The following EWSR1 variants were observed in gnomAD, a reference collection of about 807,000 sequenced individuals.
EWSR1 encodes RNA-binding protein EWS.
Under a neutral mutation model 92.1 loss-of-function variants are expected in EWSR1, and 14 were observed. The observed-to-expected ratio is 0.15, with a 90% confidence interval of 0.10 to 0.24. The LOEUF (loss-of-function observed/expected upper bound fraction) is 0.24. EWSR1 is among the 10% of genes least tolerant of loss of function. The pLI, the probability that EWSR1 is intolerant of heterozygous loss-of-function variation, is 1.00. For synonymous variants in EWSR1, 303 were observed against 292.9 expected (o/e 1.03, Z -0.35); for missense variants, 637 against 870.9 (o/e 0.73, Z 3.38).
intron 5 of EWSR1, among the ~76,000 whole-genome samples, chr22:29,280,593 G>C (rs2059485527): frequency 6.6e-6 from 1 of 152,020 alleles, no homozygotes; most frequent in Non-Finnish European, 1.5e-5. Flanking sequence ...CCATTACGGA[G>C]ACTTTGAGCC....
chr22:29,295,296 C>T (rs1242863589), intron 11 of EWSR1, among the ~76,000 whole-genome samples: 1 of 151,900 alleles, frequency 6.6e-6, no homozygotes, highest in Non-Finnish European at 1.5e-5. Context: ...TAGTATTTAC[C>T]ATCAAAATTT....
In EWSR1 at chr22:29,292,597, G is replaced by A. The variant is rs369419016; in HGVS notation, c.1155G>A (p.Gly385=). 1 of 1,606,700 alleles carries A rather than the reference G, an allele frequency of 6.2e-7. No homozygotes were observed. The highest frequency in any genetic ancestry group is 1.7e-5 in the Admixed American group (1 of 59,942). The change falls in exon 11 of 17, where the codon GGG becomes GGA. Residue 385 remains glycine (G), a synonymous_variant. Transcript: ENST00000397938. The part of the protein sequence containing the change: ...DDLADFFKQC[G]VVKMNKRTGQ... ...TGGCAGACTTCTTTAAGCAGTGTGGGGTTGTTAAGGTCAGTAAAAGCATAA... is the reference window on the plus strand; with the variant it reads ...TGGCAGACTTCTTTAAGCAGTGTGGAGTTGTTAAGGTCAGTAAAAGCATAA...
At chr22:29,282,282 A>G in intron 5 of EWSR1, 108 bp from the exon 6 acceptor site, 1 of 816,038 alleles carries the variant, frequency 1.2e-6, no homozygotes, top group Middle Eastern at 3.4e-4. Flanking sequence ...TAATCATAAC[A>G]TTGCTTATTG....
intron 11 of EWSR1, 61 bp downstream of exon 11, chr22:29,292,667 GATTGA>G: frequency 9.4e-7 from 1 of 1,064,400 alleles, no homozygotes; most frequent in Non-Finnish European, 1.4e-6. Flanking sequence ...ATTTTAAAGA[GATTGA>G]ATTGATGTTG....
rs534653320 is a variant in EWSR1, at chr22:29,298,723, C to G, written c.1418-10C>G. 87 of 1,612,856 alleles carry G rather than the reference C, an allele frequency of 5.4e-5. No homozygotes were observed. Among genetic ancestry groups the G allele is most frequent in the Admixed American group, 3.2e-4 (19 of 60,016 alleles). ...AAATGATTTGCTGTTTCTTGTTGTT[C>G]TTGTTGTAGGTCCAGGAGGCCCAGG... On this transcript the variant is annotated splice_polypyrimidine_tract_variant and intron_variant, in intron 13 of 16. Transcript: ENST00000397938.
intron 5 of EWSR1, among the ~76,000 whole-genome samples, chr22:29,279,356 A>G (rs1203045824): frequency 1.3e-5 from 2 of 152,242 alleles, no homozygotes; most frequent in Non-Finnish European, 2.9e-5. Context: ...ACATAACCAT[A>G]TTCAAGAAAT....
Position 29,278,117 on chromosome 22 carries a change from TCAC to T in EWSR1, c.322_324del (p.Thr108del), listed in dbSNP as rs775127785. On this transcript the variant is annotated inframe_deletion, in exon 5 of 17. Coordinates refer to ENST00000397938, the MANE Select transcript of EWSR1 (RefSeq NM_005243.4). ...GCTTATGATACCACCACTGCTACAG[TCAC>T]CACCACCCAGGCCTCCTATGCAGCT... 6.2e-7 allele frequency: 1 copy of T among 1,614,146 alleles called. No homozygotes were observed.
chr22:29,294,402 C>T (rs374203221), intron 11 of EWSR1, among the ~76,000 whole-genome samples: 4 of 150,822 alleles, frequency 2.7e-5, no homozygotes, highest in African/African-American at 7.3e-5. Flanking sequence ...GTCAGGAGAT[C>T]GAGACCATCC....
chr22:29,288,905 G>C, intron 8 of EWSR1, 119 bp downstream of exon 8: 1 of 987,634 alleles, frequency 1.0e-6, no homozygotes, highest in Non-Finnish European at 1.4e-6. Flanking sequence ...ACAATCTGTT[G>C]AGCTCAAGCC....
At chr22:29,270,089 A>G (rs1313218951) in intron 1 of EWSR1, among the ~76,000 whole-genome samples, 2 of 152,170 alleles carry the variant, frequency 1.3e-5, no homozygotes, top group Non-Finnish European at 2.9e-5. Context: ...TTCCAGCATA[A>G]GCATTCCACA....
rs1330297976 is a variant in EWSR1, at chr22:29,299,864, G to A, written c.1931+13G>A. ...GAAAAATGGATAAGTAAGTGCTGGT[G>A]AAAAGCAGCTGTGGGCCGCCAGGCA... On this transcript the variant is annotated intron_variant, in intron 16 of 16. Transcript: ENST00000397938. 1.3e-6 allele frequency: 2 copies of A among 1,535,676 alleles called. No individual in the cohort carries two copies. Among genetic ancestry groups the A allele is most frequent in the African/African-American group, 2.8e-5 (2 of 72,386 alleles).
intron 3 of EWSR1, 37 bp from the exon 4 acceptor site, chr22:29,273,704 T>G: frequency 6.3e-7 from 1 of 1,598,290 alleles, no homozygotes; most frequent in Admixed American, 1.8e-5. Flanking sequence ...CAAAAGTTCA[T>G]GTATGAAGTT....
At chr22:29,276,259 G>A in intron 4 of EWSR1, 1 of 230,114 alleles carries the variant, frequency 4.3e-6, no homozygotes, top group Non-Finnish European at 8.6e-6. Flanking sequence ...GCCTTATGTG[G>A]TTGACCTTAG....
At chr22:29,272,145 CT>C (rs1233125711) in intron 1 of EWSR1, 70 bp from the exon 2 acceptor site, 6 of 1,407,764 alleles carry the variant, frequency 4.3e-6, no homozygotes, top group African/African-American at 1.4e-5. Context: ...CACGTGAATT[CT>C]TTCCCCCTTT....
intron 3 of EWSR1, among the ~76,000 whole-genome samples, chr22:29,272,745 AG>A (rs1156260815): frequency 5.3e-5 from 8 of 152,188 alleles, no homozygotes; most frequent in African/African-American, 1.9e-4. Flanking sequence ...AATTCTGCAA[AG>A]GAAGAGGATG....
At chr22:29,300,518 A>AAGAGTCATCC in exon 17 of EWSR1, 1 of 214,674 alleles carries the variant, frequency 4.7e-6, no homozygotes, top group Non-Finnish European at 9.3e-6. Flanking sequence ...AATGTTTATA[A>AAGAGTCATCC]AGAGTCATCC....
At chr22:29,273,143 T>C (rs770203096) in intron 3 of EWSR1, among the ~76,000 whole-genome samples, 1 of 152,212 alleles carries the variant, frequency 6.6e-6, no homozygotes, top group Non-Finnish European at 1.5e-5. Context: ...TTAAGTATTA[T>C]GGATGTCTAA....
intron 3 of EWSR1, 97 bp downstream of exon 3, chr22:29,272,528 G>A: frequency 7.9e-7 from 1 of 1,268,312 alleles, no homozygotes; most frequent in South Asian, 1.2e-5. Context: ...AATGAGTAAT[G>A]TGTTTGGAAT....
In EWSR1 at chr22:29,297,906, G is replaced by A. The variant is rs771399567; in HGVS notation, c.1374G>A (p.Leu458=). The A allele has an allele frequency of 7.4e-6, 12 of 1,613,840 alleles. No individual in the cohort carries two copies. In the South Asian group the frequency reaches 1.3e-4, roughly 18 times the overall value. The change falls in exon 13 of 17, where the codon CTG becomes CTA. Residue 458 remains leucine, a synonymous_variant. Transcript: ENST00000397938. The stretch of plus-strand genomic sequence containing the variant: ...CAATGAACAGTATGCGGGGTGGTCT[G>A]CCACCCCGTGAGGGCAGAGGCATGC... ...KPPMNSMRGG[L]PPREGRGMPP...
Sources: allele counts gnomAD v4.1 joint callset (sites outside exome capture counted in the v4.1 genomes callset), GRCh38; gene constraint gnomAD v4.1.1; transcripts MANE v1.5; gene names NCBI Gene and HGNC (gene_info 2026-07-23, HGNC 2026-07-21).